SLIT1: variants seen among roughly 807,000 people sequenced by gnomAD.
SLIT1 encodes slit homolog 1 protein.
Under a neutral mutation model 186.1 loss-of-function variants are expected in SLIT1, and 66 were observed. The ratio of observed to expected loss-of-function variants is 0.35; its 90% CI spans 0.29 to 0.44. The LOEUF is 0.44. SLIT1 is among the 20% of genes least tolerant of loss of function. The pLI, the probability that SLIT1 is intolerant of heterozygous loss-of-function variation, is 1.00. For synonymous variants in SLIT1, 761 were observed against 833.8 expected (o/e 0.91, Z 1.50); for missense variants, 1,638 against 2,037.4 (o/e 0.80, Z 3.77).
At chr10:97,170,942 C>T (rs1850179497) in intron 1 of SLIT1, among the ~76,000 whole-genome samples, 1 of 152,128 alleles carries the variant, frequency 6.6e-6, no homozygotes, top group African/African-American at 2.4e-5. Context: ...ACCAGCTTCA[C>T]AATTTCTCAC....
intron 1 of SLIT1, among the ~76,000 whole-genome samples, chr10:97,172,428 G>C (rs1045991958): frequency 1.3e-5 from 2 of 152,184 alleles, no homozygotes; most frequent in Non-Finnish European, 2.9e-5. Flanking sequence ...TGGGGACACA[G>C]ACCGTGTTTT....
In SLIT1 at chr10:97,063,542, T is replaced by A; in HGVS notation, c.706A>T (p.Ile236Phe). The A allele has an allele frequency of 6.2e-7, 1 of 1,613,190 alleles. No homozygotes were observed. Among genetic ancestry groups the A allele is most frequent in the Non-Finnish European group, 8.5e-7 (1 of 1,179,900 alleles). The part of the protein sequence containing the change: ...LSQWLRQRPT[I>F]GLFTQCSGPA... ...CCCGAGCACTGGGTGAAGAGCCCGA[T>A]GGTTGGCCGCTGCCTCAGCCACTGC... is the stretch of plus-strand genomic sequence containing the variant. The change falls in exon 8 of 37, where the codon ATC becomes TTC. Residue 236 changes from isoleucine (I) to phenylalanine (F), a missense_variant. Ile to Phe is a conservative substitution (Grantham distance 21). This residue lies in a region of SLIT1 where 1,245 missense variants were observed against 1,535.3 expected (regional missense o/e 0.81). Coordinates refer to ENST00000266058, the MANE Select transcript of SLIT1 (RefSeq NM_003061.3).
intron 2 of SLIT1, among the ~76,000 whole-genome samples, chr10:97,164,130 G>A (rs763438410): frequency 2.0e-5 from 3 of 152,252 alleles, no homozygotes; most frequent in Non-Finnish European, 4.4e-5. Flanking sequence ...CATCCGGCTG[G>A]TGGGGCAGCA....
At chr10:97,145,924 T>C (rs1351652618) in intron 4 of SLIT1, among the ~76,000 whole-genome samples, 1 of 152,152 alleles carries the variant, frequency 6.6e-6, no homozygotes, top group African/African-American at 2.4e-5. Context: ...AAGACAGTAA[T>C]TCCCGGCCAT....
chr10:97,040,057 G>T lies in SLIT1; in HGVS notation c.2228C>A (p.Thr743Asn), dbSNP rs1848676786. ...QCPQECACLD[T>N]VVRCSNKHLR... ...GTGCTTGTTGCTGCATCGGACCACG[G>T]TGTCCAGGCAGGCGCACTCCTGTGG... Residue 743 changes from threonine to asparagine, a missense_variant, in exon 21 of 37, where the codon ACC (threonine) becomes AAC (asparagine). Physicochemically the swap from Thr to Asn is moderately conservative, Grantham distance 65. Coordinates refer to ENST00000266058, the MANE Select transcript of SLIT1 (RefSeq NM_003061.3). 6.2e-7 allele frequency: 1 copy of T among 1,612,244 alleles called. No individual in the cohort carries two copies.
chr10:97,015,990 A>G (rs1236120567), intron 28 of SLIT1, among the ~76,000 whole-genome samples: 4 of 152,222 alleles, frequency 2.6e-5, no homozygotes, highest in African/African-American at 9.6e-5. Flanking sequence ...CTGTTAAAGA[A>G]GAACTTGTTC....
chr10:97,119,364 C>G (rs1415697152), intron 4 of SLIT1, among the ~76,000 whole-genome samples: 1 of 152,110 alleles, frequency 6.6e-6, no homozygotes, highest in Non-Finnish European at 1.5e-5. Context: ...GTGGGTCTGG[C>G]CAGCCTGGCT....
intron 4 of SLIT1, among the ~76,000 whole-genome samples, chr10:97,138,053 A>C (rs143549657): frequency 8.5e-5 from 13 of 152,342 alleles, no homozygotes; most frequent in African/African-American, 2.9e-4. Flanking sequence ...TTGATCCTTG[A>C]ACAACATGGG....
chr10:97,107,980 G>A (rs769220302), intron 4 of SLIT1, among the ~76,000 whole-genome samples: 36 of 152,302 alleles, frequency 2.4e-4, no homozygotes, highest in Admixed American at 8.5e-4. Context: ...GTGAGGCTCC[G>A]GTCCGGGGGC....
chr10:97,135,063 T>A (rs964617233), intron 4 of SLIT1, among the ~76,000 whole-genome samples: 1 of 152,018 alleles, frequency 6.6e-6, no homozygotes, highest in African/African-American at 2.4e-5. Flanking sequence ...ATTTGTTGAG[T>A]GTGTTACAAA....
At position 97,039,167 on chromosome 10, in the gene SLIT1, G is replaced by T. The variant is rs528026395; in HGVS notation, c.2297+821C>A. Reference sequence around the variant, plus strand: ...AAGCCTCATCGCTGGTCCTGGGGGTGGGGGGAGAAAAGCTCAGCTTTGGAG... The same window carrying T: ...AAGCCTCATCGCTGGTCCTGGGGGTTGGGGGAGAAAAGCTCAGCTTTGGAG... On this transcript the variant is annotated intron_variant, in intron 21 of 36. Coordinates refer to ENST00000266058, the MANE Select transcript of SLIT1 (RefSeq NM_003061.3). Among the ~76,000 whole-genome samples the T allele has an allele frequency of 1.4e-4, 21 of 152,284 alleles. No homozygotes were observed. In the South Asian group the frequency reaches 4.1e-3, roughly 30 times the overall value.
In SLIT1 at chr10:97,142,776, A is replaced by G. The variant is rs115628081; in HGVS notation, c.413+15042T>C. Among the ~76,000 whole-genome samples, 1,252 of 152,344 alleles carry G rather than the reference A, an allele frequency of 8.2e-3. 19 individuals carry two copies. Among genetic ancestry groups the G allele is most frequent in the African/African-American group, 0.029 (1,203 of 41,570 alleles). On this transcript the variant is annotated intron_variant, in intron 4 of 36. Coordinates refer to ENST00000266058, the MANE Select transcript of SLIT1 (RefSeq NM_003061.3). ...GAACTGCTGCAACTTAACAACAAAA[A>G]AAATCAAACAACCCAATTAAATAGT... is the stretch of plus-strand genomic sequence containing the variant.
chr10:97,143,936 A>C (rs972626130), intron 4 of SLIT1, among the ~76,000 whole-genome samples: 2 of 152,166 alleles, frequency 1.3e-5, no homozygotes, highest in Non-Finnish European at 2.9e-5. Flanking sequence ...AGTGGCTCAC[A>C]CCTGTAATCC....
At chr10:97,110,987 T>C (rs1564678578) in intron 4 of SLIT1, among the ~76,000 whole-genome samples, 2 of 152,094 alleles carry the variant, frequency 1.3e-5, no homozygotes, top group African/African-American at 4.8e-5. Flanking sequence ...GGTCAGGAGT[T>C]TGAGACCAGC....
intron 18 of SLIT1, among the ~76,000 whole-genome samples, chr10:97,045,856 G>A (rs1334559958): frequency 7.2e-5 from 11 of 152,168 alleles, no homozygotes; most frequent in Admixed American, 3.9e-4. Context: ...ACTTATACCT[G>A]GGCAAGTGGC....
Position 97,049,857 on chromosome 10 carries a change from G to A in SLIT1, c.1302-739C>T, listed in dbSNP as rs141112297. Reference sequence around the variant, plus strand: ...CCTGTGTTGTCAGCAGGATAAATACGGGGATGGTGGCGGGGAGCAGATGGC... The same window carrying A: ...CCTGTGTTGTCAGCAGGATAAATACAGGGATGGTGGCGGGGAGCAGATGGC... On this transcript the variant is annotated intron_variant, in intron 13 of 36. Transcript: ENST00000266058. 4.2e-3 allele frequency among the ~76,000 whole-genome samples: 644 copies of A among 152,368 alleles called. 8 individuals carry two copies. The highest frequency in any genetic ancestry group is 0.015 in the African/African-American group (608 of 41,584).
intron 4 of SLIT1, among the ~76,000 whole-genome samples, chr10:97,091,097 T>C (rs1278017225): frequency 5.3e-5 from 8 of 152,274 alleles, no homozygotes; most frequent in Non-Finnish European, 1.5e-5. Flanking sequence ...GATATCATTC[T>C]ATCACCTATC....
chr10:97,047,861 C>G, intron 15 of SLIT1, 27 bp from the exon 16 acceptor site: 2 of 1,613,408 alleles, frequency 1.2e-6, no homozygotes, highest in Non-Finnish European at 1.7e-6. Flanking sequence ...GGGGCAGAGG[C>G]TGAGGAGCCC....
chr10:97,063,751 T>A, intron 7 of SLIT1, 133 bp from the exon 8 acceptor site: 1 of 983,070 alleles, frequency 1.0e-6, no homozygotes, highest in Non-Finnish European at 1.5e-6. Flanking sequence ...TTTAGTCAAG[T>A]AGACGGCTCA....
Sources: gnomAD v4.1 joint callset for allele counts (sites outside exome capture counted in the v4.1 genomes callset) on GRCh38, gnomAD v4.1.1 for gene constraint, gnomAD v4.1.1 regional missense constraint, MANE v1.5 for transcripts, NCBI Gene and HGNC (gene_info 2026-07-23, HGNC 2026-07-21) for gene names.